CECR2: variants seen among roughly 807,000 people sequenced by gnomAD.
CECR2 encodes CECR2 histone acetyl-lysine reader.
In CECR2, 30 loss-of-function variants were observed where a neutral mutation model predicts 154.5. The observed-to-expected ratio is 0.19, with a 90% CI of 0.15 to 0.26. The LOEUF (loss-of-function observed/expected upper bound fraction) is 0.26. Among genes scored for constraint, CECR2 ranks in the 10% least tolerant of loss-of-function variants. The pLI is 1.00. For synonymous variants in CECR2, 725 were observed against 683.7 expected (o/e 1.06, Z -0.94); for missense variants, 1,743 against 1,829.3 (o/e 0.95, Z 0.86).
chr22:17,404,811 T>G (rs1409047437), intron 1 of CECR2, among the ~76,000 whole-genome samples: 1 of 152,232 alleles, frequency 6.6e-6, no homozygotes, highest in Non-Finnish European at 1.5e-5. Context: ...CAAAGTTGCT[T>G]TGGCTATTTT....
intron 1 of CECR2, among the ~76,000 whole-genome samples, chr22:17,394,500 C>G (rs1289721772): frequency 6.6e-6 from 1 of 152,094 alleles, no homozygotes; most frequent in Admixed American, 6.6e-5. Context: ...CACACCCAGC[C>G]TAGGTTCTTA....
At chr22:17,509,906 C>T (rs1030807635) in intron 7 of CECR2, among the ~76,000 whole-genome samples, 46 of 152,236 alleles carry the variant, frequency 3.0e-4, no homozygotes, top group African/African-American at 1.0e-3. Context: ...ATTATATGAT[C>T]GTCCTCTAAA....
intron 1 of CECR2, among the ~76,000 whole-genome samples, chr22:17,404,368 CTTTTTTTTTTT>C (rs1161498081): frequency 3.5e-5 from 1 of 28,718 alleles, no homozygotes; most frequent in Non-Finnish European, 6.2e-5. Flanking sequence ...CCTGTTCTTT[CTTTTTTTTTTT>C]TTTTTTTTTT....
At chr22:17,445,247 C>T (rs1439165708) in intron 1 of CECR2, among the ~76,000 whole-genome samples, 5 of 152,080 alleles carry the variant, frequency 3.3e-5, no homozygotes, top group Non-Finnish European at 7.4e-5. Context: ...TAGCTCATTG[C>T]GTGTAACCTC....
intron 9 of CECR2, among the ~76,000 whole-genome samples, chr22:17,530,664 G>A (rs989259828): frequency 6.6e-6 from 1 of 151,256 alleles, no homozygotes; most frequent in South Asian, 2.1e-4. Context: ...GCAACAGAGC[G>A]AGACTCTGTC....
At chr22:17,535,687 GA>G (rs34098877) in intron 9 of CECR2, among the ~76,000 whole-genome samples, 11,187 of 117,330 alleles carry the variant, frequency 0.095, 987 homozygotes, top group African/African-American at 0.28. Flanking sequence ...TTTTTTTCCA[GA>G]AAAAAAAAAA....
At chr22:17,389,521 G>A (rs2063303170) in intron 1 of CECR2, among the ~76,000 whole-genome samples, 1 of 152,072 alleles carries the variant, frequency 6.6e-6, no homozygotes, top group Non-Finnish European at 1.5e-5. Flanking sequence ...GTGTTGCCCA[G>A]GTTGGTCTTG....
In CECR2 at chr22:17,544,825, AAAAAAAAAAAAG is replaced by A. The variant is rs2056585886; in HGVS notation, c.2860+1823_2860+1834del. 2.0e-5 allele frequency among the ~76,000 whole-genome samples: 3 copies of A among 150,278 alleles called. 1 individual carries two copies. Among genetic ancestry groups the A allele is most frequent in the South Asian group, 4.2e-4 (2 of 4,768 alleles). On this transcript the variant is annotated intron_variant, in intron 16 of 18. Transcript: ENST00000262608. ...ACTCTGTCTCAAAAAAAAAAAAAAA[AAAAAAAAAAAAG>A]GTTCATGCCTATAGTCCCAGCTACT...
Position 17,369,491 on chromosome 22 carries a change from T to G in CECR2, c.-293T>G, listed in dbSNP as rs2063028457. On this transcript the variant is annotated 5_prime_UTR_variant, in exon 1 of 19. In the 5' UTR this introduces an upstream ATG that the reference lacks. Transcript: ENST00000262608. ...TTCTCCGGCGGGGACTCGATTATATTGTAGGGGACTGGGGGCGGCCGCCGC... is the reference window on the plus strand; with the variant it reads ...TTCTCCGGCGGGGACTCGATTATATGGTAGGGGACTGGGGGCGGCCGCCGC... 1 of 149,106 alleles carries G rather than the reference T, an allele frequency of 6.7e-6. No individual in the cohort carries two copies. The highest frequency in any genetic ancestry group is 1.5e-5 in the Non-Finnish European group (1 of 66,976). The allele number at this position is 149,106 out of a possible 1,614,324, so 9.2% of individuals were successfully genotyped here.
At chr22:17,541,192 C>CA (rs2056517533) in intron 14 of CECR2, among the ~76,000 whole-genome samples, 1 of 152,164 alleles carries the variant, frequency 6.6e-6, no homozygotes, top group Non-Finnish European at 1.5e-5. Context: ...CGCAGTGGCC[C>CA]ACTCTTGCAA....
chr22:17,393,816 C>T (rs1280951405), intron 1 of CECR2, among the ~76,000 whole-genome samples: 1 of 151,862 alleles, frequency 6.6e-6, no homozygotes, highest in East Asian at 1.9e-4. Context: ...TGTCTGTTCA[C>T]ATCCTTTGCC....
At chr22:17,511,739 C>T in intron 7 of CECR2, 74 bp from the exon 8 acceptor site, 4 of 1,297,474 alleles carry the variant, frequency 3.1e-6, no homozygotes, top group South Asian at 1.4e-5. Context: ...CTGGCGGCAG[C>T]AGCAGCAGCA....
chr22:17,458,172 T>C (rs1601392421), intron 1 of CECR2, among the ~76,000 whole-genome samples: 4 of 152,174 alleles, frequency 2.6e-5, no homozygotes, highest in African/African-American at 9.6e-5. Flanking sequence ...ATCCCAGCAC[T>C]TGGGGAGGCT....
rs1216993166 is a variant in CECR2 at position 17,549,456 on chromosome 22, A to G, written c.4169A>G (p.Tyr1390Cys). The change falls in exon 17 of 19, where the codon TAT (tyrosine) becomes TGT (cysteine). Residue 1390 changes from tyrosine to cysteine, a missense_variant. This residue lies in a region of CECR2 where 1,250 missense variants were observed against 1,192.1 expected (regional missense o/e 1.05). Coordinates refer to ENST00000262608, the MANE Select transcript of CECR2 (RefSeq NM_001290047.2). ...PNGLSQEGPI[Y>C]RCQEEGLGHF... Reference sequence around the variant, plus strand: ...GGCCTCTCTCAGGAGGGTCCCATCTATCGCTGCCAGGAAGAAGGCCTGGGT... The same window carrying G: ...GGCCTCTCTCAGGAGGGTCCCATCTGTCGCTGCCAGGAAGAAGGCCTGGGT... 4 of 1,612,240 alleles carry G rather than the reference A, an allele frequency of 2.5e-6. No individual in the cohort carries two copies. Among genetic ancestry groups the G allele is most frequent in the Non-Finnish European group, 3.4e-6 (4 of 1,179,142 alleles).
At chr22:17,511,774 A>C in intron 7 of CECR2, 39 bp from the exon 8 acceptor site, 2 of 1,567,478 alleles carry the variant, frequency 1.3e-6, no homozygotes, top group Non-Finnish European at 1.7e-6. Context: ...GAACACCCTA[A>C]TCTATCTTTT....
chr22:17,490,774 A>G (rs1418785214), intron 2 of CECR2, among the ~76,000 whole-genome samples: 1 of 151,896 alleles, frequency 6.6e-6, no homozygotes, highest in Non-Finnish European at 1.5e-5. Flanking sequence ...AAAGTGTACA[A>G]TTCATTGGTT....
At chr22:17,462,016 C>T (rs1294881363) in intron 1 of CECR2, among the ~76,000 whole-genome samples, 29 of 151,886 alleles carry the variant, frequency 1.9e-4, no homozygotes, top group Non-Finnish European at 2.9e-5. Context: ...TGATCTCGAA[C>T]TCCTGACCTC....
In CECR2 at chr22:17,553,171, G is replaced by C. The variant is rs988831091; in HGVS notation, c.*331G>C. The C allele has an allele frequency of 6.2e-5, 17 of 273,334 alleles. No homozygotes were observed. Among genetic ancestry groups the C allele is most frequent in the Non-Finnish European group, 1.1e-4 (16 of 150,274 alleles). 16.9% of individuals were successfully genotyped at this position (273,334 alleles called of 1,614,324 possible). ...GAAAATCACTTTAAACTTGGGGGAG[G>C]GGGTATACTCAAGAATGGAGTGGTG... On this transcript the variant is annotated 3_prime_UTR_variant, in exon 19 of 19. Transcript: ENST00000262608.
chr22:17,497,935 G>T lies in CECR2; in HGVS notation c.405+349G>T, dbSNP rs954426222. ...TCCGCCACTGAGTTTTATTTTTCAG[G>T]GTGTAAATTTGATTGAAATATTTAC... On this transcript the variant is annotated intron_variant, in intron 3 of 18. Coordinates refer to ENST00000262608, the MANE Select transcript of CECR2 (RefSeq NM_001290047.2). 1.4e-4 allele frequency among the ~76,000 whole-genome samples: 21 copies of T among 152,076 alleles called. 1 individual carries two copies. Among genetic ancestry groups the T allele is most frequent in the Non-Finnish European group, 1.5e-5 (1 of 68,022 alleles).
Sources: gnomAD v4.1 joint callset for allele counts (sites outside exome capture counted in the v4.1 genomes callset) on GRCh38, gnomAD v4.1.1 for gene constraint, gnomAD v4.1.1 regional missense constraint, MANE v1.5 for transcripts, NCBI Gene and HGNC (gene_info 2026-07-23, HGNC 2026-07-21) for gene names.